The following PPP3R1 variants were observed in gnomAD, a reference collection of about 807,000 sequenced individuals.
PPP3R1 encodes calcineurin subunit B type 1.
In PPP3R1, 5 loss-of-function variants were observed where a neutral mutation model predicts 22.6. The ratio of observed to expected loss-of-function variants is 0.22; its 90% CI spans 0.12 to 0.46. The LOEUF (loss-of-function observed/expected upper bound fraction) is 0.46. PPP3R1 is among the 20% of genes least tolerant of loss of function. PPP3R1 has a pLI of 0.99. For synonymous variants in PPP3R1, 56 were observed against 65.2 expected (o/e 0.86, Z 0.68); for missense variants, 61 against 203.2 (o/e 0.30, Z 4.25).
At chr2:68,209,141 G>A (rs561341043) in intron 2 of PPP3R1, among the ~76,000 whole-genome samples, 7 of 150,200 alleles carry the variant, frequency 4.7e-5, no homozygotes, top group South Asian at 2.1e-4. Context: ...GGCGGATCAC[G>A]AGGTCAGGAG....
At chr2:68,206,107 C>T (rs943306824) in intron 2 of PPP3R1, among the ~76,000 whole-genome samples, 3 of 152,104 alleles carry the variant, frequency 2.0e-5, no homozygotes, top group Non-Finnish European at 2.9e-5. Flanking sequence ...CGTGAGCCAC[C>T]GCGCCCGGCG....
intron 1 of PPP3R1, among the ~76,000 whole-genome samples, chr2:68,221,090 G>A (rs1370456706): frequency 5.3e-5 from 8 of 151,968 alleles, no homozygotes; most frequent in Admixed American, 5.3e-4. Flanking sequence ...CCACCACATT[G>A]GGAGGCCGAG....
rs145671901 is a variant in PPP3R1 at position 68,229,006 on chromosome 2, T to C, written c.4-11875A>G. Among the ~76,000 whole-genome samples the C allele has an allele frequency of 5.6e-4, 86 of 152,264 alleles. 1 individual carries two copies. The highest frequency in any genetic ancestry group is 2.1e-3 in the African/African-American group (86 of 41,534). ...GAACACATTCTTTGATTTCAATTCC[T>C]TAAAATGTGTTTATGTTTTCTGGGG... On this transcript the variant is annotated intron_variant, in intron 1 of 5. Coordinates refer to ENST00000234310, the MANE Select transcript of PPP3R1 (RefSeq NM_000945.4).
intron 1 of PPP3R1, among the ~76,000 whole-genome samples, chr2:68,249,457 A>T (rs1233113333): frequency 6.6e-6 from 1 of 152,212 alleles, no homozygotes; most frequent in Non-Finnish European, 1.5e-5. Flanking sequence ...AAGCACAAAG[A>T]CATGAAAAGG....
intron 1 of PPP3R1, among the ~76,000 whole-genome samples, chr2:68,230,241 C>CCTCA (rs1417471878): frequency 2.6e-5 from 4 of 152,174 alleles, no homozygotes; most frequent in Non-Finnish European, 5.9e-5. Context: ...AATCCACATG[C>CCTCA]CTCAACCTTC....
chr2:68,192,941 T>C (rs1674696558), intron 2 of PPP3R1, among the ~76,000 whole-genome samples: 1 of 152,204 alleles, frequency 6.6e-6, no homozygotes, highest in East Asian at 1.9e-4. Context: ...TGGAATGGCC[T>C]TGCCTGAATT....
chr2:68,204,337 T>G (rs1381071419), intron 2 of PPP3R1, among the ~76,000 whole-genome samples: 1 of 39,624 alleles, frequency 2.5e-5, no homozygotes, highest in African/African-American at 1.9e-4. Context: ...ACACACACAC[T>G]ATATATATAT....
chr2:68,184,548 G>GT (rs1373260522), intron 5 of PPP3R1, among the ~76,000 whole-genome samples: 1 of 152,086 alleles, frequency 6.6e-6, no homozygotes, highest in Non-Finnish European at 1.5e-5. Flanking sequence ...CTAATCATCT[G>GT]TAAGAATTAT....
chr2:68,225,011 T>A (rs1256033019), intron 1 of PPP3R1, among the ~76,000 whole-genome samples: 1 of 152,252 alleles, frequency 6.6e-6, no homozygotes, highest in Non-Finnish European at 1.5e-5. Flanking sequence ...GCAACTGGCA[T>A]AATAAATATG....
chr2:68,181,121 G>A, intron 5 of PPP3R1, 111 bp from the exon 6 acceptor site: 2 of 1,014,020 alleles, frequency 2.0e-6, no homozygotes, highest in Non-Finnish European at 3.0e-6. Context: ...TGGGCGTGGT[G>A]GCTCACACCT....
intron 1 of PPP3R1, among the ~76,000 whole-genome samples, chr2:68,224,139 A>C (rs1669739400): frequency 1.3e-5 from 2 of 152,162 alleles, no homozygotes; most frequent in Admixed American, 1.3e-4. Context: ...ATCTAAGAAA[A>C]CCCAGCTATA....
intron 1 of PPP3R1, among the ~76,000 whole-genome samples, chr2:68,234,341 C>CAAAA (rs755395230): frequency 7.8e-6 from 1 of 128,362 alleles, no homozygotes; most frequent in Non-Finnish European, 1.7e-5. Context: ...AGACTCCGTC[C>CAAAA]AAAAAAAAAA....
At chr2:68,207,175 G>C (rs891132014) in intron 2 of PPP3R1, among the ~76,000 whole-genome samples, 4 of 146,636 alleles carry the variant, frequency 2.7e-5, no homozygotes, top group Admixed American at 2.7e-4. Context: ...TTAATGTGGA[G>C]AAGGTCATTT....
At chr2:68,231,420 G>C (rs1669895666) in intron 1 of PPP3R1, among the ~76,000 whole-genome samples, 1 of 149,606 alleles carries the variant, frequency 6.7e-6, no homozygotes. Context: ...ACACAAGCTT[G>C]TTCATTTTTG....
At chr2:68,236,813 T>C (rs1444734712) in intron 1 of PPP3R1, among the ~76,000 whole-genome samples, 1 of 152,122 alleles carries the variant, frequency 6.6e-6, no homozygotes, top group Non-Finnish European at 1.5e-5. Flanking sequence ...CTTTTTCTAG[T>C]ATGCAAGAGC....
intron 1 of PPP3R1, among the ~76,000 whole-genome samples, chr2:68,234,008 C>T (rs1478214715): frequency 1.3e-5 from 2 of 152,106 alleles, no homozygotes; most frequent in Non-Finnish European, 2.9e-5. Context: ...TACATTATCT[C>T]ATTTATCCTC....
In PPP3R1 at chr2:68,203,428, C is replaced by A. The variant is rs570101920; in HGVS notation, c.43+13664G>T. ...ACCAGCCTGACCAACATGGTGAAAC[C>A]TTGTCTCTAATACAAATACAAAATT... On this transcript the variant is annotated intron_variant, in intron 2 of 5. Coordinates refer to ENST00000234310, the MANE Select transcript of PPP3R1 (RefSeq NM_000945.4). Among the ~76,000 whole-genome samples the A allele has an allele frequency of 2.0e-5, 3 of 152,192 alleles. No homozygotes were observed. The South Asian group carries it at 6.2e-4, about 32-fold the overall frequency.
At chr2:68,209,351 T>G (rs1440070717) in intron 2 of PPP3R1, among the ~76,000 whole-genome samples, 1 of 65,662 alleles carries the variant, frequency 1.5e-5, no homozygotes, top group African/African-American at 7.0e-5. Context: ...AGAGCGAGAC[T>G]CTGTCTCAAA....
At chr2:68,209,251 T>C (rs1303400624) in intron 2 of PPP3R1, among the ~76,000 whole-genome samples, 23 of 143,578 alleles carry the variant, frequency 1.6e-4, no homozygotes, top group Admixed American at 1.1e-3. Flanking sequence ...CCCAGCTACT[T>C]GGGAGGCTGA....
Sources: allele counts gnomAD v4.1 joint callset (sites outside exome capture counted in the v4.1 genomes callset), GRCh38; gene constraint gnomAD v4.1.1; transcripts MANE v1.5; gene names NCBI Gene and HGNC (gene_info 2026-07-23, HGNC 2026-07-21).